ADK: variants seen among roughly 807,000 people sequenced by gnomAD.
ADK encodes the protein adenosine kinase.
A neutral mutation model predicts 44.7 loss-of-function variants in ADK; 24 were observed. The observed-to-expected ratio is 0.54, with a 90% CI of 0.39 to 0.76. The LOEUF (loss-of-function observed/expected upper bound fraction) is 0.76. Ranked by LOEUF, ADK falls within the 30% of genes least tolerant of loss-of-function variation. The pLI, the probability that ADK is intolerant of heterozygous loss-of-function variation, is 0.00. For missense variants in ADK, 321 were observed against 425.1 expected (o/e 0.76, Z 2.15); for synonymous variants, 128 against 142.6 (o/e 0.90, Z 0.73).
At chr10:74,507,133 G>A (rs889173023) in intron 6 of ADK, among the ~76,000 whole-genome samples, 5 of 151,906 alleles carry the variant, frequency 3.3e-5, no homozygotes, top group Non-Finnish European at 7.4e-5. Flanking sequence ...ACATTAAACA[G>A]GACTGTTAGG....
At chr10:74,176,197 G>A (rs531488037) in intron 1 of ADK, among the ~76,000 whole-genome samples, 1 of 152,288 alleles carries the variant, frequency 6.6e-6, no homozygotes, top group African/African-American at 2.4e-5. Context: ...AAGTGTTTCT[G>A]AAGTTCAGGA....
intron 7 of ADK, among the ~76,000 whole-genome samples, chr10:74,586,168 C>G (rs531499721): frequency 7.2e-5 from 11 of 152,296 alleles, no homozygotes; most frequent in Non-Finnish European, 1.2e-4. Flanking sequence ...ACCTTCAGAT[C>G]AGAGGTTAGC....
chr10:74,337,213 TAACTA>T (rs1231566439), intron 4 of ADK, among the ~76,000 whole-genome samples: 1 of 152,214 alleles, frequency 6.6e-6, no homozygotes, highest in African/African-American at 2.4e-5. Flanking sequence ...GAAGACTTAC[TAACTA>T]AACTAACACA....
At chr10:74,420,083 G>A (rs535819124) in intron 6 of ADK, among the ~76,000 whole-genome samples, 1 of 152,260 alleles carries the variant, frequency 6.6e-6, no homozygotes, top group East Asian at 1.9e-4. Flanking sequence ...AACTGATGAT[G>A]ATACTGCCAG....
intron 7 of ADK, among the ~76,000 whole-genome samples, chr10:74,564,361 A>AC (rs1850569898): frequency 6.6e-6 from 1 of 152,174 alleles, no homozygotes; most frequent in East Asian, 1.9e-4. Flanking sequence ...ACCTTCTCAA[A>AC]TCCAGGAAAA....
chr10:74,572,406 A>G (rs1349194146), intron 7 of ADK, among the ~76,000 whole-genome samples: 18 of 152,144 alleles, frequency 1.2e-4, no homozygotes, highest in Admixed American at 1.2e-3. Context: ...TTTGTGGGTA[A>G]CCCGACCTTT....
In ADK at chr10:74,427,297, C is replaced by T. The variant is rs181383107; in HGVS notation, c.555+28718C>T. Among the ~76,000 whole-genome samples, 367 of 152,260 alleles carry T rather than the reference C, an allele frequency of 2.4e-3. 2 individuals carry two copies. Among genetic ancestry groups the T allele is most frequent in the African/African-American group, 8.4e-3 (349 of 41,544 alleles). ...CACTGCAAGCTCGACCTCCTGGGTT[C>T]ACGCCATTCTCCTGCCTCAGCTTCC... is the stretch of plus-strand genomic sequence containing the variant. On this transcript the variant is annotated intron_variant, in intron 6 of 10. Coordinates refer to ENST00000539909, the MANE Select transcript of ADK (RefSeq NM_006721.4).
chr10:74,213,276 T>TA (rs999196750), intron 2 of ADK, among the ~76,000 whole-genome samples: 1 of 151,710 alleles, frequency 6.6e-6, no homozygotes, highest in African/African-American at 2.4e-5. Flanking sequence ...CCCAGCTAAT[T>TA]AAAAAAAAAT....
Position 74,348,242 on chromosome 10 carries a change from G to A in ADK, c.273+33497G>A, listed in dbSNP as rs558365353. On this transcript the variant is annotated intron_variant, in intron 4 of 10. Coordinates refer to ENST00000539909, the MANE Select transcript of ADK (RefSeq NM_006721.4). Reference sequence around the variant, plus strand: ...ACGAAGCTTCTAGAGGAAGGACCAGGCAACAATCTTTGCTGTTCTGCAGCC... The same window carrying A: ...ACGAAGCTTCTAGAGGAAGGACCAGACAACAATCTTTGCTGTTCTGCAGCC... Among the ~76,000 whole-genome samples the A allele has an allele frequency of 2.6e-5, 4 of 152,280 alleles. No individual in the cohort carries two copies. In the South Asian group the frequency reaches 8.3e-4, roughly 32 times the overall value.
In ADK at chr10:74,648,627, G is replaced by A. The variant is rs1323313075; in HGVS notation, c.878-21556G>A. ...TGGGAGGCGGAGGTTGCAGTGAGCC[G>A]AGATCACACCACCGCACTTCAGCCT... On this transcript the variant is annotated intron_variant, in intron 9 of 10. Coordinates refer to ENST00000539909, the MANE Select transcript of ADK (RefSeq NM_006721.4). Among the ~76,000 whole-genome samples the A allele has an allele frequency of 5.3e-5, 8 of 150,392 alleles. No homozygotes were observed. The East Asian group carries it at 1.0e-3, about 19-fold the overall frequency.
At chr10:74,634,764 GT>G (rs767559982) in intron 9 of ADK, among the ~76,000 whole-genome samples, 25 of 151,720 alleles carry the variant, frequency 1.6e-4, no homozygotes, top group Non-Finnish European at 2.9e-4. Context: ...GGCCAACATG[GT>G]GAAACCCCGT....
intron 6 of ADK, among the ~76,000 whole-genome samples, chr10:74,471,563 A>G (rs1045567869): frequency 6.6e-6 from 1 of 152,168 alleles, no homozygotes; most frequent in Admixed American, 6.5e-5. Flanking sequence ...TTGTATAGGA[A>G]TTGCATGTGC....
chr10:74,391,652 T>TACACACAC (rs71475280), intron 4 of ADK, among the ~76,000 whole-genome samples: 931 of 74,214 alleles, frequency 0.013, 10 homozygotes, highest in African/African-American at 0.021. Context: ...GGCAAGAATA[T>TACACACAC]ACACACACAC....
chr10:74,517,562 G>A (rs1042582209), intron 6 of ADK, among the ~76,000 whole-genome samples: 2 of 151,826 alleles, frequency 1.3e-5, no homozygotes. Flanking sequence ...CGTGGTGCAT[G>A]CCTGTAGTCC....
At chr10:74,371,573 G>A (rs376020446) in intron 4 of ADK, 398 of 1,212,082 alleles carry the variant, frequency 3.3e-4, no homozygotes, top group Middle Eastern at 3.2e-3. Context: ...TGAAGGAGGA[G>A]GATGTCCTTA....
chr10:74,365,757 A>G (rs1842478581), intron 4 of ADK, among the ~76,000 whole-genome samples: 1 of 152,078 alleles, frequency 6.6e-6, no homozygotes, highest in Non-Finnish European at 1.5e-5. Flanking sequence ...TGGTAATTCT[A>G]TATTTAACTT....
At chr10:74,371,671 T>C (rs1447371490) in intron 4 of ADK, 1 of 1,052,098 alleles carries the variant, frequency 9.5e-7, no homozygotes, top group African/African-American at 1.6e-5. Context: ...AGTGATGGCA[T>C]CCACATCGTA....
At position 74,171,804 on chromosome 10, in the gene ADK, G is replaced by GTCTC. The variant is rs531929633; in HGVS notation, c.65+20465_65+20468dup. On this transcript the variant is annotated intron_variant, in intron 1 of 10. Transcript: ENST00000539909. The stretch of plus-strand genomic sequence containing the variant: ...GCTCACTCTCTTTCTGTCTCTCTCT[G>GTCTC]TCTCTCTGTGTGTGTGTGTGTGTGT... Among the ~76,000 whole-genome samples, 804 of 148,000 alleles carry GTCTC rather than the reference G, an allele frequency of 5.4e-3. 7 individuals carry two copies. The highest frequency in any genetic ancestry group is 0.019 in the African/African-American group (758 of 40,358).
At chr10:74,190,111 G>C (rs374447193) in intron 1 of ADK, among the ~76,000 whole-genome samples, 2 of 152,160 alleles carry the variant, frequency 1.3e-5, no homozygotes, top group African/African-American at 4.8e-5. Flanking sequence ...GGGTAGAATT[G>C]CTGGGGCATG....
Sources: gnomAD v4.1 joint callset for allele counts (sites outside exome capture counted in the v4.1 genomes callset) on GRCh38, gnomAD v4.1.1 for gene constraint, MANE v1.5 for transcripts, NCBI Gene and HGNC (gene_info 2026-07-23, HGNC 2026-07-21) for gene names.